The following CEP128 variants were observed in gnomAD, a reference collection of about 807,000 sequenced individuals.
The protein encoded by CEP128 is centrosomal protein 128, also known as centrosomal protein 128kDa.
CEP128 carries 132 observed loss-of-function variants against 156.7 expected under a neutral mutation model. The observed-to-expected ratio is 0.84, with a 90% confidence interval of 0.73 to 0.97. The LOEUF is 0.97. Among genes scored for constraint, CEP128 ranks in the 50% least tolerant of loss-of-function variants. CEP128 has a pLI of 0.00. For missense variants in CEP128, 1,252 were observed against 1,281.9 expected, an observed-to-expected ratio of 0.98 and a Z score of 0.36; for synonymous variants, 469 against 448.9, an observed-to-expected ratio of 1.04 and a Z score of -0.57.
rs1900188771 is a variant in CEP128 at position 80,765,364 on chromosome 14, A to G, written c.2377-3751T>C. Among the ~76,000 whole-genome samples the G allele has an allele frequency of 2.6e-5, 4 of 152,192 alleles. No homozygotes were observed. In the South Asian group the frequency reaches 6.2e-4, roughly 24 times the overall value. On this transcript the variant is annotated intron_variant, in intron 16 of 24. Transcript: ENST00000555265. ...TGGGGCTGGAAATTGGCTGAAGTTA[A>G]TCCAAGTATCCTGTTAGATTTAGAG...
intron 21 of CEP128, among the ~76,000 whole-genome samples, chr14:80,543,098 C>T (rs1785230362): frequency 6.6e-6 from 1 of 152,196 alleles, no homozygotes; most frequent in Non-Finnish European, 1.5e-5. Context: ...CAGATCTAAA[C>T]AGAAATCCGG....
At chr14:80,799,282 T>C (rs946464054) in intron 13 of CEP128, among the ~76,000 whole-genome samples, 8 of 152,212 alleles carry the variant, frequency 5.3e-5, no homozygotes, top group Non-Finnish European at 4.4e-5. Context: ...TCCCAAATAG[T>C]ACTTTAATAA....
At chr14:80,834,831 CATGAAACTTA>C (rs772528263) in intron 12 of CEP128, among the ~76,000 whole-genome samples, 4 of 152,132 alleles carry the variant, frequency 2.6e-5, no homozygotes, top group South Asian at 4.1e-4. Context: ...AATTATATCA[CATGAAACTTA>C]ATGAAACTTA....
chr14:80,854,642 T>C (rs1209373793), intron 9 of CEP128, among the ~76,000 whole-genome samples: 1 of 152,146 alleles, frequency 6.6e-6, no homozygotes, highest in East Asian at 1.9e-4. Flanking sequence ...AATAAGCCTG[T>C]ATTGTAAGAG....
chr14:80,810,384 C>T (rs1032548074), intron 13 of CEP128, among the ~76,000 whole-genome samples: 5 of 140,718 alleles, frequency 3.6e-5, no homozygotes, highest in Non-Finnish European at 6.3e-5. Flanking sequence ...ATGAACAATT[C>T]GACAAGAAAA....
In CEP128 at chr14:80,761,620, C is replaced by T. The variant is rs1899975321; in HGVS notation, c.2377-7G>A. The stretch of plus-strand genomic sequence containing the variant: ...CAATGCTTATATGTTTTTCCTAAGG[C>T]ATTGAAAGAAATTAAACAAGGTGAT... On this transcript the variant is annotated splice_region_variant and splice_polypyrimidine_tract_variant and intron_variant, in intron 16 of 24. Coordinates refer to ENST00000555265, the MANE Select transcript of CEP128 (RefSeq NM_152446.5). 1 of 1,569,916 alleles carries T rather than the reference C, an allele frequency of 6.4e-7. No individual in the cohort carries two copies. The highest frequency in any genetic ancestry group is 8.7e-7 in the Non-Finnish European group (1 of 1,153,410).
At chr14:80,846,572 C>T (rs1339880823) in intron 9 of CEP128, among the ~76,000 whole-genome samples, 1 of 152,034 alleles carries the variant, frequency 6.6e-6, no homozygotes, top group Admixed American at 6.6e-5. Flanking sequence ...TACAAAAATA[C>T]TTAAATAAGA....
chr14:80,720,681 T>C (rs139838962), intron 19 of CEP128, among the ~76,000 whole-genome samples: 1,718 of 152,274 alleles, frequency 0.011, 17 homozygotes, highest in Non-Finnish European at 0.015. Flanking sequence ...TAAAAGTTCT[T>C]CCAAATTCAT....
intron 20 of CEP128, among the ~76,000 whole-genome samples, chr14:80,576,177 C>T (rs1357156094): frequency 2.0e-5 from 3 of 151,950 alleles, no homozygotes; most frequent in Non-Finnish European, 2.9e-5. Flanking sequence ...TTAGCCATCA[C>T]GAGCAAGGTG....
At chr14:80,843,670 T>C (rs186053529) in intron 9 of CEP128, among the ~76,000 whole-genome samples, 1,525 of 152,178 alleles carry the variant, frequency 0.01, 9 homozygotes, top group Middle Eastern at 0.014. Flanking sequence ...TATGATGTGA[T>C]TCCAATCCAA....
downstream of CEP128, among the ~76,000 whole-genome samples, chr14:80,486,878 C>T (rs747925545): frequency 6.6e-6 from 1 of 152,038 alleles, no homozygotes; most frequent in Non-Finnish European, 1.5e-5. Flanking sequence ...GAAGGAAGCA[C>T]TAAACATGGA....
intron 13 of CEP128, among the ~76,000 whole-genome samples, chr14:80,810,568 T>C (rs1884473508): frequency 6.6e-6 from 1 of 152,136 alleles, no homozygotes; most frequent in Non-Finnish European, 1.5e-5. Context: ...TTCCCATCTA[T>C]GTTCATCAGG....
chr14:80,768,203 C>T (rs923024040), intron 16 of CEP128, among the ~76,000 whole-genome samples: 11 of 151,994 alleles, frequency 7.2e-5, no homozygotes, highest in Admixed American at 2.6e-4. Context: ...CTTTTGTTGC[C>T]ACAGTTAATT....
At chr14:80,671,136 G>T (rs527970247) in intron 19 of CEP128, among the ~76,000 whole-genome samples, 13 of 152,288 alleles carry the variant, frequency 8.5e-5, no homozygotes, top group African/African-American at 3.1e-4. Context: ...GATCCAGAAA[G>T]AATGCAGGGA....
At chr14:80,613,787 CTA>C (rs1321020908) in intron 19 of CEP128, among the ~76,000 whole-genome samples, 1 of 151,916 alleles carries the variant, frequency 6.6e-6, no homozygotes, top group Non-Finnish European at 1.5e-5. Context: ...AGATAGCAAG[CTA>C]CCAAGAGATA....
At chr14:80,516,830 G>A (rs1888511788) in intron 23 of CEP128, among the ~76,000 whole-genome samples, 1 of 152,160 alleles carries the variant, frequency 6.6e-6, no homozygotes, top group Non-Finnish European at 1.5e-5. Context: ...GGGAGGAGTG[G>A]GGAAGTGTAG....
intron 23 of CEP128, among the ~76,000 whole-genome samples, chr14:80,510,224 T>C (rs1005312316): frequency 1.3e-5 from 2 of 152,148 alleles, no homozygotes; most frequent in Non-Finnish European, 2.9e-5. Flanking sequence ...TATGGACATT[T>C]TAACAATATT....
At chr14:80,881,878 C>A (rs1888568625) in intron 8 of CEP128, among the ~76,000 whole-genome samples, 1 of 152,056 alleles carries the variant, frequency 6.6e-6, no homozygotes, top group South Asian at 2.1e-4. Context: ...ATAAGAAAAG[C>A]CATATACAAC....
intron 21 of CEP128, among the ~76,000 whole-genome samples, chr14:80,547,168 A>G (rs546679986): frequency 6.6e-6 from 1 of 152,318 alleles, no homozygotes; most frequent in African/African-American, 2.4e-5. Context: ...CAACTCTTCA[A>G]CATTCAAAAG....
Sources: gnomAD v4.1 joint callset for allele counts (sites outside exome capture counted in the v4.1 genomes callset) on GRCh38, gnomAD v4.1.1 for gene constraint, MANE v1.5 for transcripts, NCBI Gene and HGNC (gene_info 2026-07-23, HGNC 2026-07-21) for gene names.